Variants in PNKP observed in about 807,000 individuals in gnomAD.
PNKP encodes the protein polynucleotide kinase 3'-phosphatase.
PNKP carries 82 observed loss-of-function variants against 66.2 expected under a neutral mutation model. The observed-to-expected ratio is 1.24, with a 90% confidence interval of 1.04 to 1.49. The LOEUF (loss-of-function observed/expected upper bound fraction) is 1.49. Among genes scored for constraint, PNKP ranks in the 40% most tolerant of loss-of-function variants. The pLI is 0.00. For synonymous variants in PNKP, 412 were observed against 298.9 expected (o/e 1.38, Z -3.90); for missense variants, 907 against 706.8 (o/e 1.28, Z -3.21).
intron 8 of PNKP, 134 bp from the exon 9 acceptor site, chr19:49,862,872 C>T: frequency 1.1e-6 from 1 of 948,028 alleles, no homozygotes; most frequent in Non-Finnish European, 1.7e-6. Flanking sequence ...CCTCACTCTC[C>T]AGCCACTTTG....
chr19:49,861,944 G>C, intron 13 of PNKP, 63 bp from the exon 14 acceptor site: 1 of 1,581,068 alleles, frequency 6.3e-7, no homozygotes, highest in Non-Finnish European at 8.7e-7. Context: ...CCCCGAGCGG[G>C]GACGGGGAGG....
At chr19:49,864,529 C>T (rs531793511) in intron 4 of PNKP, 126 bp from the exon 5 acceptor site, 30 of 778,088 alleles carry the variant, frequency 3.9e-5, no homozygotes, top group Non-Finnish European at 5.2e-5. Context: ...ATGGGGAAAC[C>T]GAGTCACAGA....
chr19:49,867,102 T>G lies in PNKP; in HGVS notation c.103A>C (p.Arg35=). ...TCCGTAACCTGGGTCAGGGGTCCCC[T>G]GCCCAGGACCAGGGCTTGCCCGTCC... The part of the protein sequence containing the change: ...PSDGQALVLG[R]GPLTQVTDRK... Residue 35 remains arginine, a synonymous_variant, in exon 2 of 17, where the codon AGG becomes CGG. Coordinates refer to ENST00000322344, the MANE Select transcript of PNKP (RefSeq NM_007254.4). The G allele has an allele frequency of 6.2e-7, 1 of 1,613,630 alleles. No individual in the cohort carries two copies. Among genetic ancestry groups the G allele is most frequent in the Non-Finnish European group, 8.5e-7 (1 of 1,179,936 alleles).
In PNKP at chr19:49,861,774, G is replaced by C; in HGVS notation, c.1296C>G (p.Ala432=). The change falls in exon 14 of 17, where the codon GCC becomes GCG. Residue 432 remains alanine (A), a splice_region_variant and synonymous_variant. Coordinates refer to ENST00000322344, the MANE Select transcript of PNKP (RefSeq NM_007254.4). ...DNTNPDAASR[A]RYVQCARAAG... ...CTACGGCCCCGCGGTCACGCTACCT[G>C]GCGCGGCTCGCGGCGTCTGGGTTTG... 1 of 1,563,240 alleles carries C rather than the reference G, an allele frequency of 6.4e-7. No individual in the cohort carries two copies. Among genetic ancestry groups the C allele is most frequent in the Non-Finnish European group, 8.6e-7 (1 of 1,156,178 alleles).
Position 49,861,661 on chromosome 19 carries a change from AG to A in PNKP, c.1332del (p.Cys445AlafsTer22). On this transcript the variant is annotated frameshift_variant, in exon 15 of 17. Transcript: ENST00000322344. LOFTEE classifies it high-confidence loss of function. The part of the protein sequence containing the change: ...YVQCARAAGV[P>X]CRCFLFTATL... ...GTGGCGGTGAAGAGGAAGCAGCGGC[AG>A]GGGACGCCCGCGGCTCGGGCACACT... 6.4e-7 allele frequency: 1 copy of A among 1,550,422 alleles called. No homozygotes were observed. The highest frequency in any genetic ancestry group is 8.7e-7 in the Non-Finnish European group (1 of 1,147,088).
intron 5 of PNKP, 35 bp downstream of exon 5, chr19:49,864,289 G>A (rs771585511): frequency 3.5e-5 from 57 of 1,611,434 alleles, no homozygotes; most frequent in Non-Finnish European, 4.4e-5. Flanking sequence ...GTGGACTCCA[G>A]GCCTCACTCA....
In PNKP at chr19:49,861,811, G is replaced by C. The variant is rs751609401; in HGVS notation, c.1259C>G (p.Ala420Gly). 6.3e-6 allele frequency: 10 copies of C among 1,582,280 alleles called. No homozygotes were observed. The South Asian group carries it at 1.1e-4, about 18-fold the overall frequency. Residue 420 changes from alanine to glycine, a missense_variant, in exon 14 of 17, where the codon GCC becomes GGC. Physicochemically the swap from Ala to Gly is moderately conservative, Grantham distance 60. Coordinates refer to ENST00000322344, the MANE Select transcript of PNKP (RefSeq NM_007254.4). Reference sequence around the variant, plus strand: ...GGCGTCTGGGTTTGTGTTGTCGATGGCGACCCGTTTCCCTTGCTTCAGGGC... The same window carrying C: ...GGCGTCTGGGTTTGTGTTGTCGATGCCGACCCGTTTCCCTTGCTTCAGGGC... ...ETALKQGKRV[A>G]IDNTNPDAAS...
intron 8 of PNKP, 43 bp downstream of exon 8, chr19:49,863,646 G>C (rs1333777507): frequency 4.8e-6 from 7 of 1,461,504 alleles, no homozygotes; most frequent in Non-Finnish European, 6.6e-6. Context: ...TGAGGGGCTG[G>C]AGTGAGGAAA....
chr19:49,863,968 A>G lies in PNKP; in HGVS notation c.740T>C (p.Phe247Ser), dbSNP rs971887688. Residue 247 changes from phenylalanine (F) to serine (S), a missense_variant, in exon 7 of 17, where the codon TTC (phenylalanine) becomes TCC (serine). Phe to Ser is a radical substitution (Grantham distance 155). Coordinates refer to ENST00000322344, the MANE Select transcript of PNKP (RefSeq NM_007254.4). ...EAVVEKLGVP[F>S]QVLVATHAGL... Reference sequence around the variant, plus strand: ...CAGCCTCCCTTCCAGCCATACCTGGAAGGGGACCCCCAGCTTCTCCACCAC... The same window carrying G: ...CAGCCTCCCTTCCAGCCATACCTGGGAGGGGACCCCCAGCTTCTCCACCAC... 6 of 1,611,726 alleles carry G rather than the reference A, an allele frequency of 3.7e-6. No individual in the cohort carries two copies. The African/African-American group carries it at 8.0e-5, about 22-fold the overall frequency.
intron 15 of PNKP, 48 bp downstream of exon 15, chr19:49,861,560 G>T: frequency 6.4e-7 from 1 of 1,564,282 alleles, no homozygotes. Flanking sequence ...GGGGAGGAGG[G>T]GGGTCAGGGG....
rs1461025440 is a variant in PNKP, at chr19:49,862,599, C to CCGG, written c.872_874dup (p.Ala291dup). 1 of 1,613,696 alleles carries CCGG rather than the reference C, an allele frequency of 6.2e-7. No homozygotes were observed. The highest frequency in any genetic ancestry group is 8.5e-7 in the Non-Finnish European group (1 of 1,179,800). ...CCCCGGGGCCCAGTTGGCCGGGCGT[C>CCGG]CGGCTGCGTCTGGAACACACGGGAC... On this transcript the variant is annotated inframe_insertion, in exon 10 of 17. Coordinates refer to ENST00000322344, the MANE Select transcript of PNKP (RefSeq NM_007254.4).
intron 4 of PNKP, among the ~76,000 whole-genome samples, chr19:49,864,787 TA>T (rs1439641459): frequency 2.0e-5 from 3 of 152,232 alleles, no homozygotes; most frequent in Non-Finnish European, 4.4e-5. Context: ...GTGCTTTTTT[TA>T]TGGATTCAGC....
At chr19:49,862,142 C>T (rs765283582) in intron 12 of PNKP, 37 bp from the exon 13 acceptor site, 1 of 1,613,894 alleles carries the variant, frequency 6.2e-7, no homozygotes, top group African/African-American at 1.3e-5. Flanking sequence ...GGCCTAGGAC[C>T]CAGGCGGGGC....
intron 8 of PNKP, among the ~76,000 whole-genome samples, chr19:49,863,206 TC>T (rs1003240282): frequency 6.6e-6 from 1 of 152,134 alleles, no homozygotes; most frequent in African/African-American, 2.4e-5. Context: ...GGGACCGCTT[TC>T]CCCAGGTGTC....
chr19:49,861,284 C>T lies in PNKP; in HGVS notation c.1530G>A (p.Arg510=), dbSNP rs755448127. ...EIPFRLWVEP[R]LGRLYCQFSE... ...AGAACTGGCAGTACAGCCGCCCCAG[C>T]CTCGGCTCCACCCATAGCCGGAACG... The change falls in exon 17 of 17, where the codon AGG becomes AGA. Residue 510 remains arginine (R), a synonymous_variant. Transcript: ENST00000322344. The T allele has an allele frequency of 3.6e-5, 58 of 1,613,630 alleles. No individual in the cohort carries two copies. Among genetic ancestry groups the T allele is most frequent in the Non-Finnish European group, 4.9e-5 (58 of 1,179,754 alleles).
At chr19:49,865,028 A>C (rs1166950325) in intron 4 of PNKP, 99 bp downstream of exon 4, 12 of 950,900 alleles carry the variant, frequency 1.3e-5, no homozygotes, top group Admixed American at 4.0e-5. Context: ...CCCATTTCTC[A>C]GAAAAGTAAG....
chr19:49,861,860 G>T lies in PNKP; in HGVS notation c.1210C>A (p.Arg404Ser). The change falls in exon 14 of 17, where the codon CGC becomes AGC. Residue 404 changes from arginine to serine, a missense_variant. By Grantham distance (110) the Arg-to-Ser change is moderately radical. Coordinates refer to ENST00000322344, the MANE Select transcript of PNKP (RefSeq NM_007254.4). ...GCTGTCTCACACGTGGTCACACAGC[G>T]CTGCCAGGAGCCTAGCGTGTCCTGG... Reference protein sequence around the residue: ...VNRDTLGSWQRCVTTCETALK... With the variant: ...VNRDTLGSWQSCVTTCETALK... 6.3e-7 allele frequency: 1 copy of T among 1,591,054 alleles called. No homozygotes were observed.
rs751360967 is a variant in PNKP at position 49,861,422 on chromosome 19, C to T, written c.1448+27G>A. 7 of 1,613,968 alleles carry T rather than the reference C, an allele frequency of 4.3e-6. No homozygotes were observed. Among genetic ancestry groups the T allele is most frequent in the Non-Finnish European group, 2.5e-6 (3 of 1,179,922 alleles). On this transcript the variant is annotated intron_variant, in intron 16 of 16. Coordinates refer to ENST00000322344, the MANE Select transcript of PNKP (RefSeq NM_007254.4). ...TGGATCATGTGGCCCAGCCAGTGCC[C>T]CTGCCCCCTGCTATCCCCAACAGTA...
intron 8 of PNKP, among the ~76,000 whole-genome samples, chr19:49,863,477 G>A (rs1036988167): frequency 1.3e-5 from 2 of 152,206 alleles, no homozygotes; most frequent in South Asian, 2.1e-4. Context: ...ACGAATGAAC[G>A]AAGGAATGAA....
Sources: gnomAD v4.1 joint callset for allele counts (sites outside exome capture counted in the v4.1 genomes callset) on GRCh38, gnomAD v4.1.1 for gene constraint, MANE v1.5 for transcripts, NCBI Gene and HGNC (gene_info 2026-07-23, HGNC 2026-07-21) for gene names.